The following HAPSTR1 variants were observed in gnomAD, a reference collection of about 807,000 sequenced individuals.
The protein encoded by HAPSTR1 is HUWE1 associated protein modifying stress responses, also known as HUWE1-associated protein modifying stress responses 1.
At chr16:9,120,628 T>C in the HAPSTR1 span, 1 of 151,704 alleles carries the variant, frequency 6.6e-6, no homozygotes, top group Non-Finnish European at 1.5e-5. Context: ...CAGCAGCTTA[T>C]AGTATATACA....
the HAPSTR1 span, among the ~76,000 whole-genome samples, chr16:9,097,793 G>C: frequency 6.6e-6 from 1 of 152,188 alleles, no homozygotes; most frequent in Non-Finnish European, 1.5e-5. Context: ...GTAAAGCTTA[G>C]AAGAGCCTAA....
At chr16:9,098,229 A>G in the HAPSTR1 span, among the ~76,000 whole-genome samples, 2 of 152,200 alleles carry the variant, frequency 1.3e-5, no homozygotes, top group African/African-American at 4.8e-5. Flanking sequence ...CTAACTCGGA[A>G]GGCTGAGGCA....
At chr16:9,097,004 G>A in the HAPSTR1 span, among the ~76,000 whole-genome samples, 6 of 151,942 alleles carry the variant, frequency 3.9e-5, no homozygotes, top group African/African-American at 7.3e-5. Flanking sequence ...GTGCAATGGC[G>A]TGATCTCGGC....
chr16:9,100,249 A>G, the HAPSTR1 span, among the ~76,000 whole-genome samples: 4 of 152,184 alleles, frequency 2.6e-5, no homozygotes, highest in African/African-American at 7.2e-5. Context: ...AGAGGTTCAC[A>G]ACTTGTTACA....
At chr16:9,114,444 A>G in the HAPSTR1 span, among the ~76,000 whole-genome samples, 1 of 152,170 alleles carries the variant, frequency 6.6e-6, no homozygotes, top group African/African-American at 2.4e-5. Flanking sequence ...GAGCCTCATA[A>G]GGGAGGTGCT....
chr16:9,112,680 G>A, the HAPSTR1 span: 4 of 152,216 alleles, frequency 2.6e-5, no homozygotes, highest in Admixed American at 6.5e-5. Flanking sequence ...GCCTAAGCAT[G>A]AACTTGGTAT....
At chr16:9,092,293 G>A in the HAPSTR1 span, 1 of 1,484,210 alleles carries the variant, frequency 6.7e-7, no homozygotes, top group Non-Finnish European at 9.0e-7. Flanking sequence ...CCGCCATCTT[G>A]GTACCGCTTG....
At chr16:9,101,933 C>G in the HAPSTR1 span, among the ~76,000 whole-genome samples, 1 of 151,992 alleles carries the variant, frequency 6.6e-6, no homozygotes, top group Non-Finnish European at 1.5e-5. Flanking sequence ...CCAGCCTGAC[C>G]AATATGGTGA....
the HAPSTR1 span, chr16:9,105,967 T>C: frequency 2.0e-5 from 3 of 152,258 alleles, no homozygotes; most frequent in African/African-American, 7.2e-5. Context: ...AACTGTGTTC[T>C]TAATTTAAAG....
the HAPSTR1 span, among the ~76,000 whole-genome samples, chr16:9,093,563 G>A: frequency 7.2e-4 from 110 of 152,344 alleles, no homozygotes; most frequent in African/African-American, 2.5e-3. Context: ...GGAGTCATCT[G>A]CGCGCATGTT....
At chr16:9,113,583 C>CT in the HAPSTR1 span, among the ~76,000 whole-genome samples, 1 of 152,104 alleles carries the variant, frequency 6.6e-6, no homozygotes, top group Admixed American at 6.6e-5. Flanking sequence ...TTGTTGAATT[C>CT]TTTTTATAAT....
At chr16:9,091,891 G>A in the HAPSTR1 span, 1 of 527,060 alleles carries the variant, frequency 1.9e-6, no homozygotes, top group Non-Finnish European at 2.9e-6. Context: ...CTCGCCGGCC[G>A]TCGGGGTGCA....
chr16:9,104,151 G>A, the HAPSTR1 span: 1 of 133,430 alleles, frequency 7.5e-6, no homozygotes. Flanking sequence ...TTTCGCTCTT[G>A]TGGCCCAGGC....
the HAPSTR1 span, chr16:9,117,827 C>T: frequency 6.6e-6 from 1 of 152,604 alleles, no homozygotes; most frequent in East Asian, 1.9e-4. Context: ...TATCATTTTA[C>T]ATTTTTCATG....
chr16:9,118,896 C>T, the HAPSTR1 span: 1 of 152,542 alleles, frequency 6.6e-6, no homozygotes, highest in Admixed American at 6.6e-5. Flanking sequence ...CGTTGGATAA[C>T]AATTTTTTGG....
At chr16:9,119,743 C>T in the HAPSTR1 span, 2 of 152,198 alleles carry the variant, frequency 1.3e-5, no homozygotes, top group Non-Finnish European at 2.9e-5. Flanking sequence ...ATCTGAATAA[C>T]TTTTTGATGC....
chr16:9,109,404 C>G, the HAPSTR1 span: 3 of 152,348 alleles, frequency 2.0e-5, no homozygotes, highest in Admixed American at 6.5e-5. Flanking sequence ...CAAAGCCCCA[C>G]TTTCACTCGT....
chr16:9,099,637 C>G, the HAPSTR1 span, among the ~76,000 whole-genome samples: 1 of 152,180 alleles, frequency 6.6e-6, no homozygotes, highest in Non-Finnish European at 1.5e-5. Flanking sequence ...TAGTGTTGGA[C>G]GCAAGACTGG....
At chr16:9,106,851 A>G in the HAPSTR1 span, 1 of 152,192 alleles carries the variant, frequency 6.6e-6, no homozygotes, top group South Asian at 2.1e-4. Flanking sequence ...TAATACCAAC[A>G]ACTGGTAACT....
Sources: allele counts gnomAD v4.1 joint callset (sites outside exome capture counted in the v4.1 genomes callset), GRCh38; gene constraint gnomAD v4.1.1; transcripts MANE v1.5; gene names NCBI Gene and HGNC (gene_info 2026-07-23, HGNC 2026-07-21).